The following CDYL variants were observed in gnomAD, a reference collection of about 807,000 sequenced individuals.
CDYL encodes chromodomain Y-like protein.
CDYL carries 8 observed loss-of-function variants against 47.3 expected under a neutral mutation model. That is an observed-to-expected ratio of 0.17 (90% CI 0.10 to 0.31). The LOEUF is 0.31. Among genes scored for constraint, CDYL ranks in the 10% least tolerant of loss-of-function variants. CDYL has a pLI of 1.00. For missense variants in CDYL, 471 were observed against 701.4 expected (o/e 0.67, Z 3.71); for synonymous variants, 266 against 265.0 (o/e 1.00, Z -0.04).
chr6:4,885,802 G>A (rs1245207623), intron 1 of CDYL, among the ~76,000 whole-genome samples: 1 of 152,050 alleles, frequency 6.6e-6, no homozygotes, highest in East Asian at 1.9e-4. Flanking sequence ...AGAATTCAGT[G>A]GCTGTTAGCA....
At chr6:4,830,184 T>A (rs561666269) in intron 1 of CDYL, among the ~76,000 whole-genome samples, 1 of 152,228 alleles carries the variant, frequency 6.6e-6, no homozygotes, top group African/African-American at 2.4e-5. Context: ...ACTGTGAGTC[T>A]GTGTAAAAGG....
At chr6:4,925,352 AC>A (rs1757835520) in intron 2 of CDYL, among the ~76,000 whole-genome samples, 2 of 151,036 alleles carry the variant, frequency 1.3e-5, no homozygotes, top group African/African-American at 4.9e-5. Context: ...AATGGTTTAT[AC>A]CAGCTTGTAT....
intron 2 of CDYL, among the ~76,000 whole-genome samples, chr6:4,722,919 G>C (rs1226464081): frequency 6.6e-6 from 1 of 152,058 alleles, no homozygotes; most frequent in African/African-American, 2.4e-5. Flanking sequence ...ACACCCCACA[G>C]ACCAAACTGA....
intron 1 of CDYL, among the ~76,000 whole-genome samples, chr6:4,832,126 G>T (rs1760164014): frequency 6.6e-6 from 1 of 151,930 alleles, no homozygotes; most frequent in Non-Finnish European, 1.5e-5. Context: ...AATAGGAGTG[G>T]TGAGAGAGGG....
rs532500954 is a variant in CDYL, at chr6:4,717,666, T to C, written c.103+1785T>C. Among the ~76,000 whole-genome samples the C allele has an allele frequency of 1.7e-4, 20 of 117,630 alleles. 1 individual carries two copies. Among genetic ancestry groups the C allele is most frequent in the Admixed American group, 6.0e-4 (5 of 8,330 alleles). 77.2% of individuals were successfully genotyped at this position (117,630 alleles called of 152,430 possible). A position where few individuals can be genotyped will look rare whatever the true frequency, so the allele number is the denominator to read the frequency against. ...GCTACAGTGAGCTATGATCAGGTCA[T>C]TGCACTGAAGCTTAGGCAACAGAAC... On this transcript the variant is annotated intron_variant, in intron 2 of 8. Coordinates refer to the CDYL transcript ENST00000328908.
chr6:4,748,251 C>G (rs1398359709), intron 3 of CDYL, among the ~76,000 whole-genome samples: 1 of 152,076 alleles, frequency 6.6e-6, no homozygotes, highest in Non-Finnish European at 1.5e-5. Flanking sequence ...TAATAAATAT[C>G]AAGGCTGAGC....
At chr6:4,780,586 G>A (rs1758592188) in intron 1 of CDYL, among the ~76,000 whole-genome samples, 1 of 150,114 alleles carries the variant, frequency 6.7e-6, no homozygotes, top group Admixed American at 6.6e-5. Context: ...GTTCTTAGAA[G>A]CTTGTTAAGT....
At chr6:4,723,651 G>C (rs1329344667) in intron 2 of CDYL, among the ~76,000 whole-genome samples, 1 of 152,112 alleles carries the variant, frequency 6.6e-6, no homozygotes, top group African/African-American at 2.4e-5. Context: ...GGGTAAATCT[G>C]ACTACAAGGC....
At position 4,712,284 on chromosome 6, in the gene CDYL, C is replaced by T. The variant is rs1757165178; in HGVS notation, c.-38-3457C>T. ...GAATACTGCACTCCAGCAATAATCC[C>T]AAATCCTTGGCAGATGTTAAAGTGA... On this transcript the variant is annotated intron_variant, in intron 1 of 8. Transcript: ENST00000328908. Among the ~76,000 whole-genome samples the T allele has an allele frequency of 3.9e-5, 6 of 152,280 alleles. 1 individual carries two copies. The South Asian group carries it at 1.2e-3, about 32-fold the overall frequency.
intron 1 of CDYL, chr6:4,714,229 T>C (rs185446916): frequency 2.7e-5 from 4 of 150,588 alleles, no homozygotes; most frequent in Non-Finnish European, 4.4e-5. Context: ...TCGGTGGGTA[T>C]TTACACCTGA....
chr6:4,733,709 T>C (rs903995866), intron 2 of CDYL, among the ~76,000 whole-genome samples: 1 of 152,198 alleles, frequency 6.6e-6, no homozygotes, highest in African/African-American at 2.4e-5. Context: ...AATTTTATAT[T>C]CGTTTAAAGG....
At chr6:4,929,275 C>T (rs1175658959) in intron 2 of CDYL, among the ~76,000 whole-genome samples, 1 of 151,230 alleles carries the variant, frequency 6.6e-6, no homozygotes, top group Non-Finnish European at 1.5e-5. Flanking sequence ...CCATTTTCTT[C>T]TGTCTTGTAT....
chr6:4,772,099 T>G (rs573324075), upstream of CDYL, among the ~76,000 whole-genome samples: 1 of 152,358 alleles, frequency 6.6e-6, no homozygotes, highest in African/African-American at 2.4e-5. Flanking sequence ...ACTTAAACAC[T>G]AAATCTAGTT....
intron 1 of CDYL, among the ~76,000 whole-genome samples, chr6:4,871,662 G>C (rs74622059): frequency 6.6e-6 from 1 of 152,064 alleles, no homozygotes; most frequent in Admixed American, 6.5e-5. Flanking sequence ...TCTGTGATTC[G>C]CTCTAGTGGG....
intron 1 of CDYL, among the ~76,000 whole-genome samples, chr6:4,857,881 C>T (rs910846268): frequency 3.3e-5 from 5 of 152,160 alleles, no homozygotes; most frequent in Non-Finnish European, 7.3e-5. Context: ...TGCCCATACT[C>T]ACTTCTCATT....
At chr6:4,715,939 G>C in intron 2 of CDYL, 3 of 1,570,024 alleles carry the variant, frequency 1.9e-6, no homozygotes, top group Non-Finnish European at 2.6e-6. Context: ...TCTTAGAGAG[G>C]CCCCTTTTAT....
At chr6:4,845,041 A>G (rs1341422781) in intron 1 of CDYL, among the ~76,000 whole-genome samples, 2 of 152,208 alleles carry the variant, frequency 1.3e-5, no homozygotes, top group Non-Finnish European at 2.9e-5. Flanking sequence ...ACAATTTGAG[A>G]TACTCCAAAG....
intron 1 of CDYL, among the ~76,000 whole-genome samples, chr6:4,789,925 C>G (rs550572555): frequency 1.3e-5 from 2 of 152,182 alleles, no homozygotes; most frequent in Non-Finnish European, 2.9e-5. Flanking sequence ...GCCTTTCAGA[C>G]GACAGAAAGC....
At chr6:4,842,249 TAAAA>T (rs999835981) in intron 1 of CDYL, among the ~76,000 whole-genome samples, 1 of 145,296 alleles carries the variant, frequency 6.9e-6, no homozygotes, top group Non-Finnish European at 1.5e-5. Context: ...TTAATATAAA[TAAAA>T]ATAAATATTA....
Sources: allele counts gnomAD v4.1 joint callset (sites outside exome capture counted in the v4.1 genomes callset), GRCh38; gene constraint gnomAD v4.1.1; transcripts MANE v1.5; gene names NCBI Gene and HGNC (gene_info 2026-07-23, HGNC 2026-07-21).